The following ACACA variants were observed in gnomAD, a reference collection of about 807,000 sequenced individuals.
ACACA encodes the protein acetyl-CoA carboxylase alpha.
ACACA carries 103 observed loss-of-function variants against 296.1 expected under a neutral mutation model. The ratio of observed to expected loss-of-function variants is 0.35; its 90% CI spans 0.30 to 0.41. The LOEUF (loss-of-function observed/expected upper bound fraction) is 0.41. Ranked by LOEUF, ACACA falls within the 10% of genes least tolerant of loss-of-function variation. The pLI is 1.00. For missense variants in ACACA, 1,554 were observed against 2,989.7 expected, an observed-to-expected ratio of 0.52 and a Z score of 11.20; for synonymous variants, 953 against 1,038.6, an observed-to-expected ratio of 0.92 and a Z score of 1.58.
chr17:37,183,539 A>G (rs1049260593), intron 39 of ACACA, among the ~76,000 whole-genome samples: 1 of 152,136 alleles, frequency 6.6e-6, no homozygotes, highest in Non-Finnish European at 1.5e-5. Flanking sequence ...AGACAATGAG[A>G]ACTAGAGGGC....
chr17:37,380,159 G>C (rs150412647), intron 1 of ACACA, among the ~76,000 whole-genome samples: 1,942 of 151,728 alleles, frequency 0.013, 41 homozygotes, highest in African/African-American at 0.043. Flanking sequence ...ATCATTCTCA[G>C]TAAACTATCA....
At chr17:37,138,862 G>T (rs1193082303) in intron 45 of ACACA, among the ~76,000 whole-genome samples, 1 of 152,210 alleles carries the variant, frequency 6.6e-6, no homozygotes, top group Non-Finnish European at 1.5e-5. Context: ...GTGAGTAATG[G>T]GGGAGGTGGG....
intron 38 of ACACA, among the ~76,000 whole-genome samples, chr17:37,190,686 T>A (rs115234359): frequency 6.6e-6 from 1 of 152,174 alleles, no homozygotes. Flanking sequence ...AGGTGCATTA[T>A]CTCACTAAGG....
Position 37,151,290 on chromosome 17 carries a change from G to C in ACACA, c.5568+11C>G, listed in dbSNP as rs759233135. 76 of 1,613,794 alleles carry C rather than the reference G, an allele frequency of 4.7e-5. 1 individual carries two copies. The South Asian group carries it at 8.1e-4, about 17-fold the overall frequency. On this transcript the variant is annotated intron_variant, in intron 44 of 55. Transcript: ENST00000616317. ...AGTTCTTCAAAAATTTCACATTCTG[G>C]AAAGATTTACCAGGCTGATGGTAAT...
At chr17:37,346,429 T>A (rs1236453000) in intron 1 of ACACA, among the ~76,000 whole-genome samples, 1 of 151,738 alleles carries the variant, frequency 6.6e-6, no homozygotes, top group African/African-American at 2.4e-5. Context: ...AGACCAGGTG[T>A]GGTGGCTCAC....
At chr17:37,374,506 C>G (rs1369291320) in intron 1 of ACACA, among the ~76,000 whole-genome samples, 1 of 152,000 alleles carries the variant, frequency 6.6e-6, no homozygotes, top group East Asian at 1.9e-4. Context: ...AGGCTGGTCT[C>G]GAACTCCCGA....
At chr17:37,222,788 C>A (rs1198012326) in intron 28 of ACACA, among the ~76,000 whole-genome samples, 1 of 152,208 alleles carries the variant, frequency 6.6e-6, no homozygotes, top group Non-Finnish European at 1.5e-5. Context: ...CTAAAACACT[C>A]TTTTTCCCCA....
chr17:37,310,935 G>T (rs973604427), intron 3 of ACACA, among the ~76,000 whole-genome samples: 7 of 152,120 alleles, frequency 4.6e-5, no homozygotes, highest in African/African-American at 1.7e-4. Flanking sequence ...AGATTGGTAA[G>T]AGTAGAATGG....
intron 41 of ACACA, 21 bp downstream of exon 41, chr17:37,179,239 A>AG (rs763658842): frequency 6.8e-6 from 11 of 1,613,962 alleles, no homozygotes; most frequent in South Asian, 2.2e-5. Flanking sequence ...AAGAAAGGGA[A>AG]GGGGGGTTTC....
intron 52 of ACACA, among the ~76,000 whole-genome samples, chr17:37,101,358 A>T (rs369052184): frequency 2.0e-5 from 3 of 152,286 alleles, no homozygotes; most frequent in East Asian, 3.9e-4. Context: ...ACAATCAATA[A>T]TCAAAGCTAA....
intron 52 of ACACA, among the ~76,000 whole-genome samples, chr17:37,103,142 G>A (rs1481717415): frequency 1.3e-5 from 2 of 152,138 alleles, no homozygotes; most frequent in Non-Finnish European, 2.9e-5. Context: ...CACACCGAGG[G>A]CCCCTCTCTC....
intron 3 of ACACA, among the ~76,000 whole-genome samples, chr17:37,295,982 A>C (rs1452680293): frequency 2.0e-5 from 3 of 152,158 alleles, no homozygotes. Context: ...CACACTCTAC[A>C]GGTTGGGAGC....
rs1567899223 is a variant in ACACA at position 37,260,279 on chromosome 17, TATA to T, written c.1330-752_1330-750del. On this transcript the variant is annotated intron_variant, in intron 11 of 55. Transcript: ENST00000616317. ...ATATATATATATATATATATATATA[TATA>T]TATATATATATATATTTTTTTTTTT... 1.7e-3 allele frequency among the ~76,000 whole-genome samples: 58 copies of T among 34,242 alleles called. 3 individuals are homozygous for T. The highest frequency in any genetic ancestry group is 9.3e-3 in the African/African-American group (53 of 5,686). 22.5% of individuals were successfully genotyped at this position (34,242 alleles called of 152,430 possible).
intron 40 of ACACA, among the ~76,000 whole-genome samples, chr17:37,180,397 G>A (rs2121017): frequency 0.33 from 49,745 of 151,984 alleles, 10,121 homozygotes; most frequent in African/African-American, 0.56. Flanking sequence ...ATTTACTACG[G>A]CTACATATAT....
intron 3 of ACACA, among the ~76,000 whole-genome samples, chr17:37,287,303 C>G (rs1254653693): frequency 6.6e-6 from 1 of 152,128 alleles, no homozygotes; most frequent in Non-Finnish European, 1.5e-5. Flanking sequence ...CATATACATA[C>G]ATAAATAAGA....
intron 52 of ACACA, among the ~76,000 whole-genome samples, chr17:37,099,618 GC>G: frequency 6.7e-6 from 1 of 150,368 alleles, no homozygotes; most frequent in Non-Finnish European, 1.5e-5. Context: ...AGGGCTGATG[GC>G]AGGAGGGCTG....
chr17:37,158,494 C>A (rs1427698033), intron 42 of ACACA, among the ~76,000 whole-genome samples: 1 of 151,922 alleles, frequency 6.6e-6, no homozygotes, highest in Non-Finnish European at 1.5e-5. Flanking sequence ...GCCAGGCATG[C>A]TGGTGCATGG....
intron 30 of ACACA, 40 bp from the exon 31 acceptor site, chr17:37,207,840 T>C (rs2078575916): frequency 1.2e-6 from 2 of 1,608,234 alleles, no homozygotes; most frequent in Non-Finnish European, 1.7e-6. Context: ...ACAAGGAGGG[T>C]AGGAGCAAGG....
intron 18 of ACACA, 125 bp downstream of exon 18, chr17:37,247,886 T>C (rs1403974064): frequency 9.1e-7 from 1 of 1,102,348 alleles, no homozygotes; most frequent in East Asian, 2.6e-5. Context: ...GTGCATGTAC[T>C]ATTTTTTTTT....
Sources: gnomAD v4.1 joint callset for allele counts (sites outside exome capture counted in the v4.1 genomes callset) on GRCh38, gnomAD v4.1.1 for gene constraint, MANE v1.5 for transcripts, NCBI Gene and HGNC (gene_info 2026-07-23, HGNC 2026-07-21) for gene names.